The following PHC2 variants were observed in gnomAD, a reference collection of about 807,000 sequenced individuals.
The protein encoded by PHC2 is polyhomeotic homolog 2, also known as polyhomeotic-like protein 2.
A neutral mutation model predicts 87.4 loss-of-function variants in PHC2; 29 were observed. The observed-to-expected ratio is 0.33, with a 90% CI of 0.25 to 0.45. The LOEUF (loss-of-function observed/expected upper bound fraction) is 0.45, where lower values mean the gene tolerates loss of function less well. Ranked by LOEUF, PHC2 falls within the 20% of genes least tolerant of loss-of-function variation. The pLI is 1.00. For missense variants in PHC2, 857 were observed against 1,136.7 expected (o/e 0.75, Z 3.54); for synonymous variants, 438 against 461.7 (o/e 0.95, Z 0.66).
rs1647295296 is a variant in PHC2 at position 33,364,140 on chromosome 1, T to C, written c.976+2976A>G. Among the ~76,000 whole-genome samples the C allele has an allele frequency of 1.3e-5, 2 of 151,984 alleles. No individual in the cohort carries two copies. The highest frequency in any genetic ancestry group is 2.4e-5 in the African/African-American group (1 of 41,376). On this transcript the variant is annotated intron_variant, in intron 7 of 14. Coordinates refer to ENST00000683057, the MANE Select transcript of PHC2 (RefSeq NM_001385109.1). This position sits in a 1 kb window ranked among gnomAD's most constrained non-coding sequence, Gnocchi z 4.1. ...GGGAGGGGCTTTGCCCCCAAACAGCTGTCAGTGGGAGCAGTCCCAGCTGGG... is the reference window on the plus strand; with the variant it reads ...GGGAGGGGCTTTGCCCCCAAACAGCCGTCAGTGGGAGCAGTCCCAGCTGGG...
At chr1:33,378,832 T>A (rs1648312126) in intron 1 of PHC2, among the ~76,000 whole-genome samples, 1 of 151,994 alleles carries the variant, frequency 6.6e-6, no homozygotes, top group Non-Finnish European at 1.5e-5. Flanking sequence ...TTATTTGTCA[T>A]CCCATCACAG....
chr1:33,395,535 G>A (rs1649258295), intron 1 of PHC2, among the ~76,000 whole-genome samples: 1 of 152,152 alleles, frequency 6.6e-6, no homozygotes, highest in South Asian at 2.1e-4. Flanking sequence ...GTATCCTGAT[G>A]CCTGCAATTT....
At position 33,367,315 on chromosome 1, in the gene PHC2, GC is replaced by G; in HGVS notation, c.776del (p.Ser259ThrfsTer25). 1.2e-6 allele frequency: 2 copies of G among 1,613,710 alleles called. No individual in the cohort carries two copies. The highest frequency in any genetic ancestry group is 1.7e-6 in the Non-Finnish European group (2 of 1,179,730). Reference sequence around the variant, plus strand: ...TCTGTGCTGGGGTAGGCAGAGGCTGGCTACCGCCCGGCGTGGGTTTCAGGGC... The same window carrying G: ...TCTGTGCTGGGGTAGGCAGAGGCTGGTACCGCCCGGCGTGGGTTTCAGGGC... The part of the protein sequence containing the change: ...SLALKPTPGG[S>X]QPLPTPAQSR... On this transcript the variant is annotated frameshift_variant, in exon 7 of 15. Coordinates refer to ENST00000683057, the MANE Select transcript of PHC2 (RefSeq NM_001385109.1). LOFTEE classifies it high-confidence loss of function.
intron 10 of PHC2, chr1:33,333,170 G>C (rs906362242): frequency 2.0e-5 from 3 of 152,260 alleles, no homozygotes; most frequent in Non-Finnish European, 2.9e-5. Context: ...GTTCCAGGCA[G>C]ATTTCTTTGC....
Position 33,367,264 on chromosome 1 carries a change from A to G in PHC2, c.828T>C (p.Pro276=), listed in dbSNP as rs6425816. The G allele has an allele frequency of 0.68, 1,099,872 of 1,613,880 alleles. 378,033 individuals are homozygous for G. The highest frequency in any genetic ancestry group is 0.87 in the African/African-American group (64,922 of 75,008). Residue 276 remains proline, a synonymous_variant, in exon 7 of 15, where the codon CCT becomes CCC. Coordinates refer to ENST00000683057, the MANE Select transcript of PHC2 (RefSeq NM_001385109.1). The part of the protein sequence containing the change: ...AQSRNTAQAS[P]AGAKPGIADS... ...CAGCTATGCCAGGCTTGGCACCTGC[A>G]GGGGAAGCCTGAGCAGTATTTCTGC...
rs1408072612 is a variant in PHC2, at chr1:33,330,045, A to C, written c.2148+26T>G. The C allele has an allele frequency of 3.7e-6, 6 of 1,610,196 alleles. No homozygotes were observed. In the Admixed American group the frequency reaches 1.0e-4, roughly 27 times the overall value. On this transcript the variant is annotated intron_variant, in intron 13 of 14. Transcript: ENST00000683057. Reference sequence around the variant, plus strand: ...GAAGCTGTGGGGACTGTGGGGATGGAGCTTCAGGCTCTGCCCGCCTCTTAC... The same window carrying C: ...GAAGCTGTGGGGACTGTGGGGATGGCGCTTCAGGCTCTGCCCGCCTCTTAC...
At chr1:33,343,573 T>C (rs574896845) in intron 9 of PHC2, among the ~76,000 whole-genome samples, 2 of 152,074 alleles carry the variant, frequency 1.3e-5, no homozygotes, top group African/African-American at 4.8e-5. Context: ...GGGATACTTA[T>C]ATCTGTCTTA....
chr1:33,389,432 C>G (rs1277033138), intron 1 of PHC2, among the ~76,000 whole-genome samples: 1 of 152,140 alleles, frequency 6.6e-6, no homozygotes, highest in Non-Finnish European at 1.5e-5. Context: ...TTTCTCTACT[C>G]CTTTCCTCCA....
intron 2 of PHC2, among the ~76,000 whole-genome samples, chr1:33,373,362 C>G (rs1388549406): frequency 6.6e-6 from 1 of 152,132 alleles, no homozygotes; most frequent in Non-Finnish European, 1.5e-5. Context: ...CTCAGGTAAT[C>G]TACCCACCTC....
intron 1 of PHC2, among the ~76,000 whole-genome samples, chr1:33,397,305 G>A (rs1345749661): frequency 6.6e-6 from 1 of 152,154 alleles, no homozygotes; most frequent in Non-Finnish European, 1.5e-5. Context: ...CAGGTCACAG[G>A]CCAGTAGTTG....
At chr1:33,329,228 T>TG in intron 13 of PHC2, 82 bp from the exon 14 acceptor site, 2 of 1,455,480 alleles carry the variant, frequency 1.4e-6, no homozygotes, top group Non-Finnish European at 1.9e-6. Flanking sequence ...ATTTCTCCTT[T>TG]TTCTACTTGG....
intron 1 of PHC2, among the ~76,000 whole-genome samples, chr1:33,426,535 T>C (rs1650678919): frequency 6.6e-6 from 1 of 152,176 alleles, no homozygotes; most frequent in African/African-American, 2.4e-5. Context: ...GGAGTAACAA[T>C]AGCATCAGGA....
intron 1 of PHC2, among the ~76,000 whole-genome samples, chr1:33,406,611 T>C (rs1163170684): frequency 6.6e-6 from 1 of 152,248 alleles, no homozygotes; most frequent in Non-Finnish European, 1.5e-5. Flanking sequence ...TTTTATCCAG[T>C]ATGACAATCT....
intron 1 of PHC2, among the ~76,000 whole-genome samples, chr1:33,379,346 GCCCCCTGCCCCCCCCATC>G (rs1466826834): frequency 8.8e-5 from 3 of 34,130 alleles, no homozygotes; most frequent in African/African-American, 3.6e-4. Context: ...CCCCCCCACC[GCCCCCTGCCCCCCCCATC>G]CCCCCTGTCC....
chr1:33,341,070 G>A (rs1469561353), intron 9 of PHC2, among the ~76,000 whole-genome samples: 4 of 152,016 alleles, frequency 2.6e-5, no homozygotes, highest in Non-Finnish European at 1.5e-5. Flanking sequence ...GGTCACAAAA[G>A]GTCACAAAAA....
intron 1 of PHC2, among the ~76,000 whole-genome samples, chr1:33,410,761 A>G (rs1219142258): frequency 6.6e-6 from 1 of 152,216 alleles, no homozygotes; most frequent in Admixed American, 6.5e-5. Flanking sequence ...TGGGGGAATG[A>G]ATCATTTTTA....
Position 33,376,653 on chromosome 1 carries a change from G to A in PHC2, c.-54-1060C>T, listed in dbSNP as rs372776176. On this transcript the variant is annotated intron_variant, in intron 1 of 14. Coordinates refer to ENST00000683057, the MANE Select transcript of PHC2 (RefSeq NM_001385109.1). ...GGACTAACAATCTACAGAGAAGGCC[G>A]GGTGCGGTGGCTCATGCCTGTAATC... Among the ~76,000 whole-genome samples, 5 of 152,332 alleles carry A rather than the reference G, an allele frequency of 3.3e-5. No homozygotes were observed. In the South Asian group the frequency reaches 6.2e-4, roughly 19 times the overall value.
chr1:33,354,724 CA>C, intron 8 of PHC2, 113 bp downstream of exon 8: 1 of 1,371,300 alleles, frequency 7.3e-7, no homozygotes, highest in Non-Finnish European at 1.0e-6. Context: ...TTGGAATCCC[CA>C]AAGATGACTT....
At chr1:33,407,316 T>C (rs1400391051) in intron 1 of PHC2, among the ~76,000 whole-genome samples, 2 of 152,242 alleles carry the variant, frequency 1.3e-5, no homozygotes, top group African/African-American at 2.4e-5. Flanking sequence ...GAAAGTGTTA[T>C]CTTTGACTGT....
Sources: gnomAD v4.1 joint callset for allele counts (sites outside exome capture counted in the v4.1 genomes callset) on GRCh38, gnomAD v4.1.1 for gene constraint, Gnocchi (gnomAD v3.1) non-coding constraint, MANE v1.5 for transcripts, NCBI Gene and HGNC (gene_info 2026-07-23, HGNC 2026-07-21) for gene names.